The following FRMD4A variants were observed in gnomAD, a reference collection of about 807,000 sequenced individuals.
FRMD4A encodes FERM domain containing 4A, also known as FERM domain-containing protein 4A.
FRMD4A carries 29 observed loss-of-function variants against 129.1 expected under a neutral mutation model. The ratio of observed to expected loss-of-function variants is 0.22; its 90% CI spans 0.17 to 0.31. FRMD4A has a LOEUF of 0.31. Among genes scored for constraint, FRMD4A ranks in the 10% least tolerant of loss-of-function variants. The probability of loss-of-function intolerance (pLI) is 1.00; values close to 1 mark genes in which losing one functional copy is unlikely to be tolerated. For missense variants in FRMD4A, 1,272 were observed against 1,375.8 expected, an observed-to-expected ratio of 0.92 and a Z score of 1.19; for synonymous variants, 634 against 571.6, an observed-to-expected ratio of 1.11 and a Z score of -1.56.
intron 2 of FRMD4A, among the ~76,000 whole-genome samples, chr10:14,144,843 G>C (rs1840000670): frequency 6.6e-6 from 1 of 152,164 alleles, no homozygotes; most frequent in African/African-American, 2.4e-5. Context: ...AGAGGAGAGG[G>C]TGAAACCGCA....
At chr10:13,945,566 A>C (rs1011759879) in intron 2 of FRMD4A, among the ~76,000 whole-genome samples, 2 of 152,110 alleles carry the variant, frequency 1.3e-5, no homozygotes, top group Non-Finnish European at 2.9e-5. Flanking sequence ...TGTAGTCGTA[A>C]AGTTTCAGAT....
chr10:14,306,192 T>C (rs897734499), intron 2 of FRMD4A, among the ~76,000 whole-genome samples: 1 of 152,262 alleles, frequency 6.6e-6, no homozygotes, highest in Non-Finnish European at 1.5e-5. Flanking sequence ...AAAGAAATTC[T>C]CTGTTCACAC....
intron 2 of FRMD4A, among the ~76,000 whole-genome samples, chr10:14,158,831 GGAGAAA>G: frequency 8.2e-6 from 1 of 122,176 alleles, no homozygotes; most frequent in South Asian, 2.5e-4. Flanking sequence ...AGAGGGAGGA[GGAGAAA>G]GAGGAGGAGG....
chr10:13,713,755 G>T (rs2088282546), intron 12 of FRMD4A, among the ~76,000 whole-genome samples: 2 of 144,914 alleles, frequency 1.4e-5, no homozygotes, highest in South Asian at 4.2e-4. Flanking sequence ...GGCAACAGAA[G>T]TAGGTATATA....
At chr10:14,029,853 G>C (rs1588822754) in intron 2 of FRMD4A, among the ~76,000 whole-genome samples, 1 of 149,668 alleles carries the variant, frequency 6.7e-6, no homozygotes, top group African/African-American at 2.4e-5. Context: ...AATCGTTTTT[G>C]AGTTGATTTT....
At chr10:13,903,726 A>G (rs565242552) in intron 2 of FRMD4A, among the ~76,000 whole-genome samples, 1 of 152,000 alleles carries the variant, frequency 6.6e-6, no homozygotes, top group Non-Finnish European at 1.5e-5. Flanking sequence ...AAAATAAAAA[A>G]AAAATAGCCA....
In FRMD4A at chr10:13,872,408, T is replaced by C. The variant is rs79848879; in HGVS notation, c.46-13496A>G. Among the ~76,000 whole-genome samples the C allele has an allele frequency of 7.6e-3, 1,164 of 152,292 alleles. 17 individuals carry two copies. The highest frequency in any genetic ancestry group is 0.027 in the African/African-American group (1,120 of 41,560). On this transcript the variant is annotated intron_variant, in intron 2 of 24. Transcript: ENST00000357447. ...CCCAGCTCTTTTTCCCAGTAACTGG[T>C]TCCCAGGGCCATCCTGTGGCACCCG... is the stretch of plus-strand genomic sequence containing the variant.
chr10:14,073,153 G>A (rs1305918061), intron 2 of FRMD4A, among the ~76,000 whole-genome samples: 1 of 152,200 alleles, frequency 6.6e-6, no homozygotes, highest in Non-Finnish European at 1.5e-5. Context: ...TCAGCTCAGA[G>A]GTTGGTGACA....
chr10:14,195,376 A>G (rs928412259), intron 2 of FRMD4A, among the ~76,000 whole-genome samples: 3 of 152,056 alleles, frequency 2.0e-5, no homozygotes, highest in Non-Finnish European at 4.4e-5. Context: ...CATCTGCCTG[A>G]GATAGTATAT....
rs112415192 is a variant in FRMD4A at position 14,317,231 on chromosome 10, G to A, written c.45+12827C>T. Reference sequence around the variant, plus strand: ...TTGCCATTTATTCTGAAGACATTTCGTGTCTGCCCCCAGCCAGGATCTTGA... The same window carrying A: ...TTGCCATTTATTCTGAAGACATTTCATGTCTGCCCCCAGCCAGGATCTTGA... On this transcript the variant is annotated intron_variant, in intron 2 of 24. Transcript: ENST00000357447. Among the ~76,000 whole-genome samples the A allele has an allele frequency of 3.5e-3, 531 of 152,224 alleles. 3 individuals carry two copies. Among genetic ancestry groups the A allele is most frequent in the African/African-American group, 0.012 (495 of 41,534 alleles).
At chr10:13,825,575 C>A (rs1025214108) in intron 3 of FRMD4A, among the ~76,000 whole-genome samples, 1 of 152,210 alleles carries the variant, frequency 6.6e-6, no homozygotes, top group Non-Finnish European at 1.5e-5. Flanking sequence ...TGCCCCTCCC[C>A]ACCCTGGTCC....
chr10:13,994,676 T>C lies in FRMD4A; in HGVS notation c.46-135764A>G, dbSNP rs76563349. 7.0e-4 allele frequency among the ~76,000 whole-genome samples: 107 copies of C among 152,360 alleles called. 1 individual carries two copies. In the East Asian group the frequency reaches 0.016, roughly 23 times the overall value. ...AATAGAGATATTTCATATCTCTCAC[T>C]CTGTTCCTCTCTCACATACACACAT... On this transcript the variant is annotated intron_variant, in intron 2 of 24. Transcript: ENST00000357447.
chr10:14,043,218 T>C (rs1332411756), intron 2 of FRMD4A, among the ~76,000 whole-genome samples: 1 of 152,206 alleles, frequency 6.6e-6, no homozygotes, highest in African/African-American at 2.4e-5. Context: ...TTAAAGTTGC[T>C]GAGAATTCAA....
intron 6 of FRMD4A, among the ~76,000 whole-genome samples, chr10:13,776,473 C>T (rs148552909): frequency 0.019 from 2,956 of 152,200 alleles, 43 homozygotes; most frequent in Middle Eastern, 0.037. Flanking sequence ...GGAATAATGC[C>T]CTGTGTCAAT....
At chr10:14,304,555 C>T (rs1846284435) in intron 2 of FRMD4A, among the ~76,000 whole-genome samples, 1 of 152,148 alleles carries the variant, frequency 6.6e-6, no homozygotes, top group Non-Finnish European at 1.5e-5. Context: ...TTAAAGAATG[C>T]TTGGATCGAG....
chr10:14,209,565 C>CA (rs1388521142), intron 2 of FRMD4A, among the ~76,000 whole-genome samples: 4 of 151,864 alleles, frequency 2.6e-5, no homozygotes, highest in Admixed American at 2.6e-4. Flanking sequence ...ACTAAAAATA[C>CA]AAAAAATTAG....
intron 5 of FRMD4A, among the ~76,000 whole-genome samples, chr10:13,787,617 T>C (rs1307356004): frequency 6.6e-6 from 1 of 152,086 alleles, no homozygotes; most frequent in African/African-American, 2.4e-5. Flanking sequence ...TAAGCCACCA[T>C]GCTGACTAAT....
chr10:14,329,923 T>C, intron 2 of FRMD4A, 135 bp downstream of exon 2: 1 of 805,376 alleles, frequency 1.2e-6, no homozygotes, highest in East Asian at 2.7e-5. Flanking sequence ...AAGAAAGCAT[T>C]TCCAAAGAGC....
chr10:14,039,246 C>A (rs949630382), intron 2 of FRMD4A, among the ~76,000 whole-genome samples: 1 of 152,058 alleles, frequency 6.6e-6, no homozygotes, highest in Non-Finnish European at 1.5e-5. Context: ...TAATTATATC[C>A]TTTTGCTTAC....
Sources: gnomAD v4.1 joint callset for allele counts (sites outside exome capture counted in the v4.1 genomes callset) on GRCh38, gnomAD v4.1.1 for gene constraint, MANE v1.5 for transcripts, NCBI Gene and HGNC (gene_info 2026-07-23, HGNC 2026-07-21) for gene names.